The following TGIF1 variants were observed in gnomAD, a reference collection of about 807,000 sequenced individuals.
TGIF1 encodes the protein homeobox protein TGIF1.
TGIF1 carries 4 observed loss-of-function variants against 19.3 expected under a neutral mutation model. That is an observed-to-expected ratio of 0.21 (90% CI 0.10 to 0.47). TGIF1 has a LOEUF of 0.47. Ranked by LOEUF, TGIF1 falls within the 20% of genes least tolerant of loss-of-function variation. TGIF1 has a pLI of 0.98. For synonymous variants in TGIF1, 122 were observed against 129.3 expected, an observed-to-expected ratio of 0.94 and a Z score of 0.38; for missense variants, 275 against 341.4, an observed-to-expected ratio of 0.81 and a Z score of 1.53.
At chr18:3,423,901 CTCTT>C (rs1440108892) in intron 2 of TGIF1, among the ~76,000 whole-genome samples, 1 of 152,088 alleles carries the variant, frequency 6.6e-6, no homozygotes, top group African/African-American at 2.4e-5. Flanking sequence ...GTTTCTTCCT[CTCTT>C]TCCAGTGGCC....
upstream of TGIF1, chr18:3,448,716 T>TA: frequency 1.4e-4 from 51 of 362,526 alleles, no homozygotes; most frequent in Middle Eastern, 1.4e-3. Context: ...GGCGGGGGTG[T>TA]CTTTTTTTTT....
chr18:3,427,692 C>T (rs138047412), intron 2 of TGIF1, among the ~76,000 whole-genome samples: 52 of 151,932 alleles, frequency 3.4e-4, no homozygotes, highest in Non-Finnish European at 2.5e-4. Context: ...CTCCACCTCC[C>T]GGGTTCAAGC....
In TGIF1 at chr18:3,458,107, C is replaced by G; in HGVS notation, c.*167C>G. ...CAATGGAATACAGTCATTCCAAGAA[C>G]TATAAACTTAAAGCTACTGTAGAAA... On this transcript the variant is annotated 3_prime_UTR_variant, in exon 3 of 3. Coordinates refer to ENST00000343820, the MANE Select transcript of TGIF1 (RefSeq NM_003244.4). 1 of 637,740 alleles carries G rather than the reference C, an allele frequency of 1.6e-6. No individual in the cohort carries two copies. Among genetic ancestry groups the G allele is most frequent in the East Asian group, 2.8e-5 (1 of 36,048 alleles). The allele number at this position is 637,740 out of a possible 1,614,324, so 39.5% of individuals were successfully genotyped here.
Position 3,458,089 on chromosome 18 carries a change from A to G in TGIF1, c.*149A>G, listed in dbSNP as rs2049422349. ...CTGTTACTGAGATGTCTTCAATGGA[A>G]TACAGTCATTCCAAGAACTATAAAC... On this transcript the variant is annotated 3_prime_UTR_variant, in exon 3 of 3. Transcript: ENST00000343820. The G allele has an allele frequency of 1.5e-6, 1 of 689,460 alleles. No homozygotes were observed. The highest frequency in any genetic ancestry group is 2.4e-6 in the Non-Finnish European group (1 of 408,708). 42.7% of individuals were successfully genotyped at this position (689,460 alleles called of 1,614,324 possible).
At chr18:3,425,045 G>T (rs568394254) in intron 2 of TGIF1, among the ~76,000 whole-genome samples, 1 of 152,356 alleles carries the variant, frequency 6.6e-6, no homozygotes, top group South Asian at 2.1e-4. Flanking sequence ...CAGTTGGTCA[G>T]AAGTATTGGT....
intron 2 of TGIF1, among the ~76,000 whole-genome samples, chr18:3,437,186 C>T (rs926825691): frequency 6.6e-6 from 1 of 152,094 alleles, no homozygotes; most frequent in Non-Finnish European, 1.5e-5. Context: ...TTTTGCACAT[C>T]CTCCAAACCT....
chr18:3,447,856 CCG>C (rs2082771726), upstream of TGIF1: 4 of 1,590,320 alleles, frequency 2.5e-6, no homozygotes, highest in Admixed American at 6.7e-5. Flanking sequence ...TCAATTGTCT[CCG>C]CCCCTCCCCC....
chr18:3,451,710 C>T lies in TGIF1; in HGVS notation c.16+1205C>T, dbSNP rs1382179002. On this transcript the variant is annotated intron_variant, in intron 1 of 2. Transcript: ENST00000343820. This position sits in a 1 kb window ranked among gnomAD's most constrained non-coding sequence, Gnocchi z 5.4. ...CTGAAACGCGCGGAGCTTCCCTCTGCCTCCAGGCTTTCCCAGCGAGAGTGA... is the reference window on the plus strand; with the variant it reads ...CTGAAACGCGCGGAGCTTCCCTCTGTCTCCAGGCTTTCCCAGCGAGAGTGA... 3 of 1,229,276 alleles carry T rather than the reference C, an allele frequency of 2.4e-6. No individual in the cohort carries two copies. Among genetic ancestry groups the T allele is most frequent in the East Asian group, 3.3e-5 (1 of 30,596 alleles). The allele number at this position is 1,229,276 out of a possible 1,614,324, so 76.1% of individuals were successfully genotyped here. A position where few individuals can be genotyped will look rare whatever the true frequency, so the allele number is the denominator to read the frequency against.
chr18:3,428,386 A>G (rs1225498280), intron 2 of TGIF1, among the ~76,000 whole-genome samples: 3 of 151,906 alleles, frequency 2.0e-5, no homozygotes, highest in African/African-American at 7.3e-5. Context: ...TGAGGTAGCC[A>G]TTTTTTCATG....
intron 2 of TGIF1, among the ~76,000 whole-genome samples, chr18:3,433,263 G>A (rs1464353088): frequency 2.0e-5 from 3 of 151,416 alleles, no homozygotes; most frequent in Admixed American, 6.6e-5. Flanking sequence ...TGGTAGAGAC[G>A]GGATTTCCCC....
chr18:3,453,629 T>TGAGCCGAGGTTGCGGC (rs1229478046), intron 1 of TGIF1: 1 of 173,676 alleles, frequency 5.8e-6, no homozygotes, highest in Non-Finnish European at 1.0e-5. Flanking sequence ...GAGGCTGCGG[T>TGAGCCGAGGTTGCGGC]GAGCCGAGGT....
chr18:3,451,635 G>GT lies in TGIF1; in HGVS notation c.16+1131dup, dbSNP rs1240673964. 4.5e-6 allele frequency: 5 copies of GT among 1,114,018 alleles called. No individual in the cohort carries two copies. Among genetic ancestry groups the GT allele is most frequent in the Non-Finnish European group, 5.5e-6 (5 of 913,488 alleles). The allele number at this position is 1,114,018 out of a possible 1,614,324, so 69.0% of individuals were successfully genotyped here. ...GCCCGCTGCGGGGCGTTCCTGGGGG[G>GT]TAGCCTCAAGGCCAGCGGGGTTCCT... On this transcript the variant is annotated intron_variant, in intron 1 of 2. Transcript: ENST00000343820. The surrounding 1 kb of genome is among the most constrained non-coding windows in gnomAD (Gnocchi z 5.4).
intron 2 of TGIF1, among the ~76,000 whole-genome samples, chr18:3,425,048 G>T (rs754329863): frequency 5.3e-5 from 8 of 152,250 alleles, no homozygotes; most frequent in Non-Finnish European, 1.0e-4. Context: ...TTGGTCAGAA[G>T]TATTGGTGAC....
intron 2 of TGIF1, among the ~76,000 whole-genome samples, chr18:3,427,105 G>A (rs1007577590): frequency 8.6e-5 from 13 of 151,806 alleles, no homozygotes; most frequent in Admixed American, 2.6e-4. Flanking sequence ...CACCATGCCC[G>A]GCTAATTTTT....
At chr18:3,414,479 C>T (rs1268437395) in intron 1 of TGIF1, among the ~76,000 whole-genome samples, 1 of 152,212 alleles carries the variant, frequency 6.6e-6, no homozygotes, top group African/African-American at 2.4e-5. Context: ...AGCCAGAGTT[C>T]ATCTCTAAGT....
chr18:3,432,633 A>C (rs912991743), intron 2 of TGIF1, among the ~76,000 whole-genome samples: 5 of 152,250 alleles, frequency 3.3e-5, no homozygotes, highest in Non-Finnish European at 7.3e-5. Flanking sequence ...CATATATGGG[A>C]AACGATTATA....
chr18:3,438,906 G>C (rs2082649021), intron 2 of TGIF1, among the ~76,000 whole-genome samples: 1 of 152,042 alleles, frequency 6.6e-6, no homozygotes, highest in Admixed American at 6.6e-5. Context: ...AAAATAAAAT[G>C]GAATTGTTCT....
intron 2 of TGIF1, among the ~76,000 whole-genome samples, chr18:3,439,285 C>G (rs756007699): frequency 7.3e-5 from 11 of 151,628 alleles, no homozygotes; most frequent in Non-Finnish European, 1.6e-4. Context: ...GTAAAAAAAG[C>G]AAAACAAACA....
rs558635265 is a variant in TGIF1, at chr18:3,419,766, G to A, written c.-45+1551G>A. Among the ~76,000 whole-genome samples, 129 of 152,354 alleles carry A rather than the reference G, an allele frequency of 8.5e-4. 1 individual carries two copies. The highest frequency in any genetic ancestry group is 2.9e-3 in the African/African-American group (120 of 41,582). On this transcript the variant is annotated intron_variant, in intron 2 of 3. Coordinates refer to the TGIF1 transcript ENST00000401449. Reference sequence around the variant, plus strand: ...CACGCCTGTAATCCCAGCACTGTGGGAGGCCAAGGCGAGTGGATCACCTGA... The same window carrying A: ...CACGCCTGTAATCCCAGCACTGTGGAAGGCCAAGGCGAGTGGATCACCTGA...
Sources: allele counts gnomAD v4.1 joint callset (sites outside exome capture counted in the v4.1 genomes callset), GRCh38; gene constraint gnomAD v4.1.1; non-coding constraint Gnocchi (gnomAD v3.1); transcripts MANE v1.5; gene names NCBI Gene and HGNC (gene_info 2026-07-23, HGNC 2026-07-21).